Variants in CAMTA1 observed in about 807,000 individuals in gnomAD.
CAMTA1 encodes the protein calmodulin binding transcription activator 1, also known as calmodulin-binding transcription activator 1.
Under a neutral mutation model 170.9 loss-of-function variants are expected in CAMTA1, and 27 were observed. The observed-to-expected ratio is 0.16, with a 90% CI of 0.12 to 0.22. CAMTA1 has a LOEUF of 0.22. CAMTA1 is among the 10% of genes least tolerant of loss of function. The pLI is 1.00. For missense variants in CAMTA1, 1,619 were observed against 2,217.2 expected (o/e 0.73, Z 5.42); for synonymous variants, 833 against 891.5 (o/e 0.93, Z 1.17).
intron 4 of CAMTA1, among the ~76,000 whole-genome samples, chr1:7,139,786 T>G (rs1645786626): frequency 6.6e-6 from 1 of 152,162 alleles, no homozygotes; most frequent in Admixed American, 6.5e-5. Context: ...GATGAGCTTC[T>G]CTTCTGTTTT....
intron 5 of CAMTA1, among the ~76,000 whole-genome samples, chr1:7,445,978 A>G (rs11120929): frequency 0.29 from 44,531 of 152,022 alleles, 13,276 homozygotes; most frequent in African/African-American, 0.74. Context: ...GACCTTGGAC[A>G]CAGCTGTGGC....
chr1:7,728,138 G>A (rs1359127840), intron 11 of CAMTA1, among the ~76,000 whole-genome samples: 1 of 152,226 alleles, frequency 6.6e-6, no homozygotes. Context: ...ATAGCAACAG[G>A]GAATGCAGCT....
At position 7,749,707 on chromosome 1, in the gene CAMTA1, G is replaced by A. The variant is rs563133382; in HGVS notation, c.4690-1492G>A. 41 of 430,740 alleles carry A rather than the reference G, an allele frequency of 9.5e-5. No homozygotes were observed. The Middle Eastern group carries it at 1.0e-3, about 11-fold the overall frequency. The allele number at this position is 430,740 out of a possible 1,614,324, so 26.7% of individuals were successfully genotyped here. A position where few individuals can be genotyped will look rare whatever the true frequency, so the allele number is the denominator to read the frequency against. On this transcript the variant is annotated intron_variant, in intron 19 of 22. Transcript: ENST00000303635. The stretch of plus-strand genomic sequence containing the variant: ...TTGGTTGGGAGTTTTATTGATTCTG[G>A]TTTTTAATTTCATTATATTCAGCAA...
At chr1:7,598,955 T>C (rs2095420822) in intron 6 of CAMTA1, among the ~76,000 whole-genome samples, 2 of 152,234 alleles carry the variant, frequency 1.3e-5, no homozygotes, top group African/African-American at 4.8e-5. Flanking sequence ...GAGATCCCAT[T>C]TGTCAATTTT....
chr1:7,304,274 G>A (rs1409823960), intron 5 of CAMTA1, among the ~76,000 whole-genome samples: 1 of 152,136 alleles, frequency 6.6e-6, no homozygotes, highest in Non-Finnish European at 1.5e-5. Context: ...GATGGGAGTT[G>A]GTATTGGATA....
intron 3 of CAMTA1, among the ~76,000 whole-genome samples, chr1:7,040,494 C>T (rs184494261): frequency 5.3e-4 from 81 of 152,278 alleles, no homozygotes; most frequent in East Asian, 1.9e-4. Context: ...CCTCTGGATT[C>T]ATTAATTCCA....
intron 3 of CAMTA1, among the ~76,000 whole-genome samples, chr1:6,995,350 G>A (rs1697085726): frequency 7.7e-6 from 1 of 129,440 alleles, no homozygotes; most frequent in Non-Finnish European, 1.6e-5. Flanking sequence ...CGCCAGGCTG[G>A]AGTAGTGCAG....
chr1:7,089,741 G>A (rs1234270508), intron 3 of CAMTA1, among the ~76,000 whole-genome samples: 1 of 152,160 alleles, frequency 6.6e-6, no homozygotes, highest in Non-Finnish European at 1.5e-5. Flanking sequence ...CAATTAGAAT[G>A]CAGAGTGATA....
At chr1:6,935,707 G>T (rs1037055611) in intron 3 of CAMTA1, among the ~76,000 whole-genome samples, 12 of 152,206 alleles carry the variant, frequency 7.9e-5, no homozygotes, top group Non-Finnish European at 1.8e-4. Context: ...CTTTTCCGTG[G>T]TTTTCTTGAG....
intron 5 of CAMTA1, among the ~76,000 whole-genome samples, chr1:7,334,681 T>C (rs1311793243): frequency 1.3e-5 from 2 of 152,176 alleles, no homozygotes; most frequent in Non-Finnish European, 2.9e-5. Context: ...TTTAAAAATA[T>C]ACTCACCAGA....
At chr1:7,483,357 G>A (rs11120943) in intron 6 of CAMTA1, among the ~76,000 whole-genome samples, 8,591 of 152,288 alleles carry the variant, frequency 0.056, 401 homozygotes, top group South Asian at 0.13. Flanking sequence ...AGAGCAGCCC[G>A]TGGCAGCGAC....
chr1:7,309,995 C>G (rs1021591322), intron 5 of CAMTA1, among the ~76,000 whole-genome samples: 2 of 152,088 alleles, frequency 1.3e-5, no homozygotes, highest in Non-Finnish European at 2.9e-5. Context: ...TTTATTAGTT[C>G]TGTTGTTCTT....
intron 4 of CAMTA1, among the ~76,000 whole-genome samples, chr1:7,098,306 C>T (rs957929117): frequency 5.3e-5 from 8 of 152,326 alleles, no homozygotes; most frequent in Middle Eastern, 3.4e-3. Context: ...TGCACTGAAC[C>T]GGGAACGCAC....
Position 7,715,458 on chromosome 1 carries a change from G to A in CAMTA1, c.2915-16990G>A, listed in dbSNP as rs548325640. ...TTTTTTTTTTTTTTTCTTGAGGCAC[G>A]GTCTCTCTCTCTGAGCCAGACTGGA... On this transcript the variant is annotated intron_variant, in intron 11 of 22. Coordinates refer to ENST00000303635, the MANE Select transcript of CAMTA1 (RefSeq NM_015215.4). 2.0e-5 allele frequency among the ~76,000 whole-genome samples: 3 copies of A among 146,924 alleles called. 1 individual carries two copies. Among genetic ancestry groups the A allele is most frequent in the Non-Finnish European group, 4.5e-5 (3 of 67,134 alleles).
intron 3 of CAMTA1, among the ~76,000 whole-genome samples, chr1:6,849,989 C>T (rs895000973): frequency 7.1e-6 from 1 of 141,016 alleles, no homozygotes; most frequent in Admixed American, 7.5e-5. Context: ...GAGCCGAGAT[C>T]ATGCAACTGC....
intron 6 of CAMTA1, among the ~76,000 whole-genome samples, chr1:7,597,874 A>G (rs2095412214): frequency 6.6e-6 from 1 of 151,378 alleles, no homozygotes; most frequent in Non-Finnish European, 1.5e-5. Context: ...CAGAATGTGC[A>G]GGTTTGTTAC....
intron 3 of CAMTA1, among the ~76,000 whole-genome samples, chr1:7,080,039 A>G (rs560585189): frequency 2.9e-4 from 44 of 152,360 alleles, no homozygotes; most frequent in African/African-American, 9.1e-4. Context: ...TGGACTTTAC[A>G]TTTAAAATGG....
intron 11 of CAMTA1, among the ~76,000 whole-genome samples, chr1:7,708,136 G>T (rs1003401776): frequency 1.5e-4 from 22 of 151,086 alleles, no homozygotes; most frequent in Non-Finnish European, 5.9e-5. Context: ...TTCAAGACCA[G>T]CCTGGGCAAC....
intron 6 of CAMTA1, among the ~76,000 whole-genome samples, chr1:7,513,074 G>A (rs573321467): frequency 1.7e-4 from 26 of 152,064 alleles, no homozygotes; most frequent in African/African-American, 5.8e-4. Context: ...ACACCACCCC[G>A]TGCCCCCTTC....
Sources: gnomAD v4.1 joint callset for allele counts (sites outside exome capture counted in the v4.1 genomes callset) on GRCh38, gnomAD v4.1.1 for gene constraint, MANE v1.5 for transcripts, NCBI Gene and HGNC (gene_info 2026-07-23, HGNC 2026-07-21) for gene names.